The following CDH8 variants were observed in gnomAD, a reference collection of about 807,000 sequenced individuals.
The protein encoded by CDH8 is cadherin 8, also known as cadherin-8.
CDH8 carries 17 observed loss-of-function variants against 68.1 expected under a neutral mutation model. That is an observed-to-expected ratio of 0.25 (90% CI 0.17 to 0.37). CDH8 has a LOEUF of 0.37. CDH8 is among the 10% of genes least tolerant of loss of function. The probability of loss-of-function intolerance (pLI) is 1.00; values close to 1 mark genes in which losing one functional copy is unlikely to be tolerated. For synonymous variants in CDH8, 372 were observed against 365.1 expected, an observed-to-expected ratio of 1.02 and a Z score of -0.21; for missense variants, 763 against 999.3, an observed-to-expected ratio of 0.76 and a Z score of 3.19.
intron 10 of CDH8, among the ~76,000 whole-genome samples, chr16:61,669,720 A>C (rs557324640): frequency 2.0e-4 from 30 of 152,076 alleles, no homozygotes; most frequent in African/African-American, 7.0e-4. Flanking sequence ...TCTCGATTTA[A>C]ATTTCTACCA....
intron 2 of CDH8, among the ~76,000 whole-genome samples, chr16:61,906,498 T>G (rs1268411672): frequency 6.6e-6 from 1 of 152,218 alleles, no homozygotes; most frequent in Non-Finnish European, 1.5e-5. Context: ...GACTGCTACA[T>G]AATGGAGCTG....
chr16:61,952,782 G>A (rs951992092), intron 2 of CDH8, among the ~76,000 whole-genome samples: 5 of 152,220 alleles, frequency 3.3e-5, no homozygotes, highest in African/African-American at 1.2e-4. Context: ...GTGCTGTCTC[G>A]AATAATTTTC....
chr16:61,862,967 A>C (rs1185751409), intron 3 of CDH8, among the ~76,000 whole-genome samples: 1 of 152,150 alleles, frequency 6.6e-6, no homozygotes, highest in South Asian at 2.1e-4. Flanking sequence ...GCTAGTGACT[A>C]TAAATTTGAC....
intron 2 of CDH8, among the ~76,000 whole-genome samples, chr16:61,956,657 A>G (rs1161322233): frequency 3.3e-5 from 5 of 152,252 alleles, no homozygotes; most frequent in Admixed American, 3.3e-4. Flanking sequence ...TTTCCTTGGC[A>G]GGAATTTATT....
chr16:61,947,413 T>A (rs1165968930), intron 2 of CDH8, among the ~76,000 whole-genome samples: 1 of 152,190 alleles, frequency 6.6e-6, no homozygotes, highest in Non-Finnish European at 1.5e-5. Flanking sequence ...CATGGATTCA[T>A]CAAACCTGTA....
At chr16:61,838,332 T>G (rs530749705) in intron 4 of CDH8, among the ~76,000 whole-genome samples, 1 of 152,094 alleles carries the variant, frequency 6.6e-6, no homozygotes, top group Non-Finnish European at 1.5e-5. Flanking sequence ...GGAAAACATA[T>G]TTGGCATGTG....
intron 3 of CDH8, among the ~76,000 whole-genome samples, chr16:61,859,015 G>A (rs983045480): frequency 1.6e-4 from 24 of 152,114 alleles, no homozygotes; most frequent in African/African-American, 4.8e-4. Flanking sequence ...GATCTAGTCC[G>A]TCAATATCTT....
intron 2 of CDH8, among the ~76,000 whole-genome samples, chr16:61,931,861 A>G (rs562518494): frequency 1.2e-4 from 18 of 152,334 alleles, no homozygotes; most frequent in African/African-American, 4.1e-4. Flanking sequence ...TCATGCACAT[A>G]TACACAGATC....
At chr16:61,661,979 C>G (rs1963567298) in intron 10 of CDH8, among the ~76,000 whole-genome samples, 1 of 149,928 alleles carries the variant, frequency 6.7e-6, no homozygotes, top group African/African-American at 2.4e-5. Context: ...AAAGAAAAAG[C>G]CTTTTGACTT....
At chr16:62,014,723 A>G (rs1901894858) in intron 2 of CDH8, among the ~76,000 whole-genome samples, 1 of 152,210 alleles carries the variant, frequency 6.6e-6, no homozygotes, top group African/African-American at 2.4e-5. Flanking sequence ...AAAATGAGTC[A>G]GTGCCTTGGA....
chr16:62,035,628 C>G (rs1489625913), intron 1 of CDH8, among the ~76,000 whole-genome samples: 1 of 152,202 alleles, frequency 6.6e-6, no homozygotes, highest in African/African-American at 2.4e-5. Context: ...ACTCGGGCCC[C>G]CTCGCCTCCT....
At chr16:61,897,868 G>A (rs767218110) in intron 3 of CDH8, among the ~76,000 whole-genome samples, 6 of 152,264 alleles carry the variant, frequency 3.9e-5, no homozygotes, top group African/African-American at 1.2e-4. Context: ...GAAGCCAAAC[G>A]AAGTGAAAAG....
chr16:61,736,646 C>A (rs1959695747), intron 8 of CDH8, among the ~76,000 whole-genome samples: 1 of 152,118 alleles, frequency 6.6e-6, no homozygotes, highest in South Asian at 2.1e-4. Flanking sequence ...ACAGACATGA[C>A]TGAAATTACA....
At chr16:61,893,423 T>A (rs1212978203) in intron 3 of CDH8, among the ~76,000 whole-genome samples, 1 of 144,044 alleles carries the variant, frequency 6.9e-6, no homozygotes, top group African/African-American at 2.9e-5. Flanking sequence ...TGAGTGTGTG[T>A]GTGTGTGTGT....
chr16:61,692,224 A>C (rs1964239720), intron 10 of CDH8: 1 of 152,212 alleles, frequency 6.6e-6, no homozygotes, highest in South Asian at 2.1e-4. Flanking sequence ...AAACGTGATG[A>C]CCAATTTTGT....
intron 2 of CDH8, among the ~76,000 whole-genome samples, chr16:62,016,838 C>T (rs59713995): frequency 0.034 from 5,239 of 152,288 alleles, 193 homozygotes; most frequent in African/African-American, 0.092. Flanking sequence ...AAGACAACGT[C>T]TTGCTTTATG....
intron 10 of CDH8, among the ~76,000 whole-genome samples, chr16:61,702,632 T>G (rs1325928934): frequency 6.6e-6 from 1 of 152,258 alleles, no homozygotes; most frequent in Non-Finnish European, 1.5e-5. Context: ...TTACAACAAC[T>G]AATATTATGA....
chr16:61,769,024 A>AAC (rs569018702), intron 8 of CDH8, among the ~76,000 whole-genome samples: 20 of 151,548 alleles, frequency 1.3e-4, no homozygotes, highest in African/African-American at 3.1e-4. Flanking sequence ...TTGTAAGTTG[A>AAC]ACACACACAC....
rs1279540448 is a variant in CDH8, at chr16:61,746,832, A to G, written c.1415-19617T>C. On this transcript the variant is annotated intron_variant, in intron 8 of 11. Transcript: ENST00000577390. ...TCTTGAGACCGCTTTTCCTCAGTCT[A>G]TGCTTTTGCCACAGTAAATTCTGCA... Among the ~76,000 whole-genome samples, 10 of 152,084 alleles carry G rather than the reference A, an allele frequency of 6.6e-5. 1 individual carries two copies. Among genetic ancestry groups the G allele is most frequent in the Admixed American group, 5.9e-4 (9 of 15,256 alleles).
Sources: gnomAD v4.1 joint callset for allele counts (sites outside exome capture counted in the v4.1 genomes callset) on GRCh38, gnomAD v4.1.1 for gene constraint, MANE v1.5 for transcripts, NCBI Gene and HGNC (gene_info 2026-07-23, HGNC 2026-07-21) for gene names.